Variants in TDRD10 observed in about 807,000 individuals in gnomAD.
TDRD10 encodes the protein tudor domain-containing protein 10.
In TDRD10, 40 loss-of-function variants were observed where a neutral mutation model predicts 48.0. That is an observed-to-expected ratio of 0.83 (90% CI 0.65 to 1.09). The LOEUF (loss-of-function observed/expected upper bound fraction) is 1.09, where lower values mean the gene tolerates loss of function less well. Among genes scored for constraint, TDRD10 ranks in the 50% least tolerant of loss-of-function variants. TDRD10 has a pLI of 0.00. For missense variants in TDRD10, 378 were observed against 434.7 expected (o/e 0.87, Z 1.16); for synonymous variants, 162 against 170.4 (o/e 0.95, Z 0.38).
chr1:154,538,327 T>C lies in TDRD10; in HGVS notation c.370-3697T>C, dbSNP rs376866520. Among the ~76,000 whole-genome samples, 543 of 151,738 alleles carry C rather than the reference T, an allele frequency of 3.6e-3. 4 individuals carry two copies. Among genetic ancestry groups the C allele is most frequent in the African/African-American group, 0.013 (518 of 41,344 alleles). Reference sequence around the variant, plus strand: ...ACTTTGGGAGGCCGAGGTGGGCGGATCACCTGAGGTCAGGAGTTCGAGATC... The same window carrying C: ...ACTTTGGGAGGCCGAGGTGGGCGGACCACCTGAGGTCAGGAGTTCGAGATC... On this transcript the variant is annotated intron_variant, in intron 6 of 12. Transcript: ENST00000368482.
chr1:154,513,203 A>G (rs115415266), intron 4 of TDRD10, among the ~76,000 whole-genome samples: 2,435 of 152,356 alleles, frequency 0.016, 66 homozygotes, highest in African/African-American at 0.055. Context: ...AAATTCACCA[A>G]TGATTTTAAA....
chr1:154,517,158 A>G (rs1262156125), intron 4 of TDRD10, among the ~76,000 whole-genome samples: 1 of 152,006 alleles, frequency 6.6e-6, no homozygotes, highest in Non-Finnish European at 1.5e-5. Context: ...ATTTGGGGGT[A>G]GGCATTGGGA....
chr1:154,524,069 A>G (rs985488010), intron 6 of TDRD10, among the ~76,000 whole-genome samples: 2 of 151,938 alleles, frequency 1.3e-5, no homozygotes, highest in African/African-American at 4.8e-5. Context: ...TTATAAAATC[A>G]TTTTCTGCTA....
At chr1:154,528,064 G>T (rs1694403485) in intron 6 of TDRD10, among the ~76,000 whole-genome samples, 1 of 151,846 alleles carries the variant, frequency 6.6e-6, no homozygotes, top group African/African-American at 2.4e-5. Context: ...TTGTTTCTTT[G>T]TTTTCCTGAG....
In TDRD10 at chr1:154,523,321, G is replaced by T. The variant is rs75720055; in HGVS notation, c.369+1842G>T. ...AACCATTTCAAGCATCCCACTCTGC[G>T]CTGTCCCCCAGTCTTTGCAGCTCTC... On this transcript the variant is annotated intron_variant, in intron 6 of 12. Coordinates refer to ENST00000368482, the MANE Select transcript of TDRD10 (RefSeq NM_182499.4). Among the ~76,000 whole-genome samples, 118 of 152,260 alleles carry T rather than the reference G, an allele frequency of 7.7e-4. No individual in the cohort carries two copies. In the East Asian group the frequency reaches 0.02, roughly 26 times the overall value.
chr1:154,544,910 A>T lies in TDRD10; in HGVS notation c.913A>T (p.Thr305Ser). The T allele has an allele frequency of 6.2e-7, 1 of 1,614,186 alleles. No individual in the cohort carries two copies. The highest frequency in any genetic ancestry group is 2.2e-5 in the East Asian group (1 of 44,880). The change falls in exon 11 of 13, where the codon ACC (threonine) becomes TCC (serine). Residue 305 changes from threonine (T) to serine (S), a missense_variant. Thr to Ser is a moderately conservative substitution (Grantham distance 58). Coordinates refer to ENST00000368482, the MANE Select transcript of TDRD10 (RefSeq NM_182499.4). ...CAGCCTAGACAGCGACGACTTCTGG[A>T]CCATCCCACCCCTGACTCAGCCATT... ...LRSLDSDDFWTIPPLTQPFML... is the reference protein window; with the variant it reads ...LRSLDSDDFWSIPPLTQPFML...
intron 4 of TDRD10, among the ~76,000 whole-genome samples, chr1:154,519,023 A>G (rs963750576): frequency 6.6e-6 from 1 of 152,246 alleles, no homozygotes; most frequent in Non-Finnish European, 1.5e-5. Flanking sequence ...TAAATTGGCT[A>G]TATAGCCATA....
chr1:154,517,605 A>G (rs948288291), intron 4 of TDRD10, among the ~76,000 whole-genome samples: 3 of 151,962 alleles, frequency 2.0e-5, no homozygotes, highest in East Asian at 1.9e-4. Context: ...TATTTTTAGT[A>G]GAGACGGGGT....
chr1:154,503,924 G>A (rs946680616), intron 1 of TDRD10, among the ~76,000 whole-genome samples: 1 of 152,200 alleles, frequency 6.6e-6, no homozygotes, highest in Non-Finnish European at 1.5e-5. Flanking sequence ...TGCACCTCAA[G>A]TGTTTTCAGT....
intron 4 of TDRD10, among the ~76,000 whole-genome samples, chr1:154,513,644 C>G (rs1240331203): frequency 6.6e-6 from 1 of 152,038 alleles, no homozygotes; most frequent in Non-Finnish European, 1.5e-5. Context: ...AAAAGTGATG[C>G]AAGATAAAGG....
At chr1:154,524,757 C>T (rs1375102035) in intron 6 of TDRD10, among the ~76,000 whole-genome samples, 2 of 152,166 alleles carry the variant, frequency 1.3e-5, no homozygotes. Context: ...TGGGTTGGAA[C>T]TCCATTGTCT....
chr1:154,509,988 G>A (rs1470160345), intron 4 of TDRD10: 8 of 471,942 alleles, frequency 1.7e-5, no homozygotes, highest in East Asian at 3.0e-4. Flanking sequence ...GTAAGGGAAC[G>A]TTTCATCCTT....
chr1:154,533,890 T>G (rs1557829982), intron 6 of TDRD10, among the ~76,000 whole-genome samples: 2 of 55,800 alleles, frequency 3.6e-5, no homozygotes, highest in East Asian at 1.2e-3. Context: ...TATATATATA[T>G]ATATTTTTTT....
At chr1:154,513,808 T>C (rs1362251420) in intron 4 of TDRD10, among the ~76,000 whole-genome samples, 1 of 152,212 alleles carries the variant, frequency 6.6e-6, no homozygotes, top group Non-Finnish European at 1.5e-5. Flanking sequence ...AGCAGCACTC[T>C]TGTCTATAGA....
chr1:154,525,092 A>G (rs2149330646), intron 6 of TDRD10, among the ~76,000 whole-genome samples: 1 of 152,324 alleles, frequency 6.6e-6, no homozygotes, highest in East Asian at 1.9e-4. Flanking sequence ...TGGTGCTCAC[A>G]TGCTTTCCTT....
rs1351099662 is a variant in TDRD10 at position 154,502,998 on chromosome 1, C to G, written c.-59C>G. The G allele has an allele frequency of 6.6e-6, 1 of 152,188 alleles. No individual in the cohort carries two copies. Among genetic ancestry groups the G allele is most frequent in the African/African-American group, 2.4e-5 (1 of 41,432 alleles). The allele number at this position is 152,188 out of a possible 1,614,324, so 9.4% of individuals were successfully genotyped here. On this transcript the variant is annotated 5_prime_UTR_variant, in exon 1 of 13. The change creates a new upstream start codon in the 5' untranslated region. Transcript: ENST00000368482. The stretch of plus-strand genomic sequence containing the variant: ...AGGCGCGAAGGCTGGGCGTCGCGAT[C>G]GCAGGTGCACGCGCGTGGCCCGCGA...
chr1:154,542,831 G>T lies in TDRD10; in HGVS notation c.503+10G>T, dbSNP rs74492084. 1,460 of 1,611,248 alleles carry T rather than the reference G, an allele frequency of 9.1e-4. 9 individuals are homozygous for T. The African/African-American group carries it at 0.016, about 17-fold the overall frequency. On this transcript the variant is annotated intron_variant, in intron 8 of 12. Coordinates refer to ENST00000368482, the MANE Select transcript of TDRD10 (RefSeq NM_182499.4). Reference sequence around the variant, plus strand: ...TCCCGTTGGAAATGAGGTGAGCAAGGTATAGAAAGACCACCAGGGCAAATG... The same window carrying T: ...TCCCGTTGGAAATGAGGTGAGCAAGTTATAGAAAGACCACCAGGGCAAATG...
intron 12 of TDRD10, 65 bp downstream of exon 12, chr1:154,547,544 AG>A: frequency 6.2e-7 from 1 of 1,614,238 alleles, no homozygotes; most frequent in Non-Finnish European, 8.5e-7. Context: ...TGTCTGCAGC[AG>A]GCTGCTGCCT....
At chr1:154,524,714 C>T (rs1320079729) in intron 6 of TDRD10, among the ~76,000 whole-genome samples, 1 of 152,080 alleles carries the variant, frequency 6.6e-6, no homozygotes, top group Non-Finnish European at 1.5e-5. Flanking sequence ...CAGGTGAGTG[C>T]TCCGGGTGCT....
Sources: allele counts gnomAD v4.1 joint callset (sites outside exome capture counted in the v4.1 genomes callset), GRCh38; gene constraint gnomAD v4.1.1; transcripts MANE v1.5; gene names NCBI Gene and HGNC (gene_info 2026-07-23, HGNC 2026-07-21).